SDAD1: variants seen among roughly 807,000 people sequenced by gnomAD.
SDAD1 encodes protein SDA1 homolog.
A neutral mutation model predicts 100.3 loss-of-function variants in SDAD1; 79 were observed. The ratio of observed to expected loss-of-function variants is 0.79; its 90% CI spans 0.66 to 0.95. SDAD1 has a LOEUF of 0.95. Among genes scored for constraint, SDAD1 ranks in the 40% least tolerant of loss-of-function variants. The pLI is 0.00. For missense variants in SDAD1, 790 were observed against 810.9 expected (o/e 0.97, Z 0.31); for synonymous variants, 267 against 271.4 (o/e 0.98, Z 0.16).
rs1161649784 is a variant in SDAD1, at chr4:75,955,973, A to G, written c.2016+2T>C. 6.3e-7 allele frequency: 1 copy of G among 1,593,648 alleles called. No homozygotes were observed. Among genetic ancestry groups the G allele is most frequent in the Admixed American group, 1.8e-5 (1 of 54,948 alleles). On this transcript the variant is annotated splice_donor_variant, in intron 21 of 21. Transcript: ENST00000356260. LOFTEE classifies it high-confidence loss of function. Reference sequence around the variant, plus strand: ...GCCACCCAAGCTTCAAGTGGAACTCACCTGTTTTTCTCGGAAGGAACGCTT... The same window carrying G: ...GCCACCCAAGCTTCAAGTGGAACTCGCCTGTTTTTCTCGGAAGGAACGCTT...
intron 1 of SDAD1, among the ~76,000 whole-genome samples, chr4:75,986,617 T>C (rs1418671521): frequency 6.6e-6 from 1 of 152,166 alleles, no homozygotes; most frequent in Non-Finnish European, 1.5e-5. Flanking sequence ...TCAAGGTCTT[T>C]GCTTCACTAG....
At chr4:75,987,636 G>C (rs1353063994) in intron 1 of SDAD1, among the ~76,000 whole-genome samples, 1 of 152,032 alleles carries the variant, frequency 6.6e-6, no homozygotes, top group African/African-American at 2.4e-5. Flanking sequence ...GGAGTAGCTG[G>C]GATCACAGGT....
intron 14 of SDAD1, among the ~76,000 whole-genome samples, chr4:75,963,474 T>G (rs1186812979): frequency 2.6e-5 from 4 of 152,194 alleles, no homozygotes; most frequent in Non-Finnish European, 5.9e-5. Context: ...ATAAATTACC[T>G]TGGGCAGTAT....
At chr4:75,960,406 A>C (rs1729164593) in intron 16 of SDAD1, among the ~76,000 whole-genome samples, 1 of 152,120 alleles carries the variant, frequency 6.6e-6, no homozygotes, top group Admixed American at 6.5e-5. Flanking sequence ...CCTCCCTAGT[A>C]GTTGGGACTA....
chr4:75,952,891 A>T (rs1037571363), intron 21 of SDAD1, among the ~76,000 whole-genome samples: 14 of 152,224 alleles, frequency 9.2e-5, no homozygotes, highest in African/African-American at 3.1e-4. Flanking sequence ...ACTATTTTAG[A>T]TATACTGGGT....
chr4:75,967,217 A>G, intron 12 of SDAD1, 60 bp downstream of exon 12: 1 of 1,483,642 alleles, frequency 6.7e-7, no homozygotes, highest in East Asian at 2.3e-5. Context: ...AGAACAAAAG[A>G]CTTTGCATGT....
intron 17 of SDAD1, among the ~76,000 whole-genome samples, chr4:75,959,598 A>G (rs561485913): frequency 6.6e-6 from 1 of 151,594 alleles, no homozygotes; most frequent in East Asian, 2.0e-4. Context: ...CGAGACTCCA[A>G]CGTGAGGAAA....
chr4:75,961,831 C>A (rs1365403689), intron 14 of SDAD1, among the ~76,000 whole-genome samples: 2 of 150,104 alleles, frequency 1.3e-5, no homozygotes, highest in South Asian at 4.2e-4. Context: ...TTTGAATGTT[C>A]CCTCTAAAAC....
chr4:75,955,661 G>C (rs1055416959), intron 21 of SDAD1, among the ~76,000 whole-genome samples: 1 of 152,180 alleles, frequency 6.6e-6, no homozygotes, highest in Non-Finnish European at 1.5e-5. Flanking sequence ...ATTTTAGCAT[G>C]GGAAGGAACC....
At chr4:75,954,425 C>T (rs1028836225) in intron 21 of SDAD1, among the ~76,000 whole-genome samples, 13 of 151,528 alleles carry the variant, frequency 8.6e-5, no homozygotes, top group African/African-American at 1.5e-4. Context: ...ATAATCCTAG[C>T]GCTATGGGAG....
intron 1 of SDAD1, among the ~76,000 whole-genome samples, chr4:75,990,451 T>C (rs976788093): frequency 2.0e-5 from 3 of 152,318 alleles, no homozygotes; most frequent in South Asian, 4.1e-4. Context: ...GTGCGGCCCA[T>C]TTCTCTCTCC....
At chr4:75,984,701 C>T (rs1730764114) in intron 1 of SDAD1, among the ~76,000 whole-genome samples, 1 of 151,748 alleles carries the variant, frequency 6.6e-6, no homozygotes, top group South Asian at 2.1e-4. Flanking sequence ...TCCACAGTTC[C>T]ATGCCTTACA....
Position 75,971,477 on chromosome 4 carries a change from T to G in SDAD1, c.712-19A>C. ...CATCATCCTAAAGAAGAAATTACTT[T>G]GTAAAATTGTAAACAAGGAAAATCT... is the stretch of plus-strand genomic sequence containing the variant. On this transcript the variant is annotated intron_variant, in intron 8 of 21. Coordinates refer to ENST00000356260, the MANE Select transcript of SDAD1 (RefSeq NM_018115.4). 2 of 1,550,626 alleles carry G rather than the reference T, an allele frequency of 1.3e-6. No homozygotes were observed. The highest frequency in any genetic ancestry group is 2.3e-5 in the South Asian group (2 of 88,820).
At chr4:75,967,887 G>C (rs1271018190) in intron 11 of SDAD1, among the ~76,000 whole-genome samples, 1 of 145,224 alleles carries the variant, frequency 6.9e-6, no homozygotes, top group Admixed American at 7.0e-5. Context: ...TTAACACTCT[G>C]AAGTCCACCT....
chr4:75,989,913 TTG>T (rs1731139654), intron 1 of SDAD1, among the ~76,000 whole-genome samples: 1 of 152,186 alleles, frequency 6.6e-6, no homozygotes. Flanking sequence ...AAATAAGTAA[TTG>T]TGTTAGCCAC....
chr4:75,974,774 GCTC>G (rs1730065549), intron 6 of SDAD1, among the ~76,000 whole-genome samples: 1 of 151,718 alleles, frequency 6.6e-6, no homozygotes. Context: ...GGGCGCAGTG[GCTC>G]ACGCCTGTAA....
intron 20 of SDAD1, among the ~76,000 whole-genome samples, chr4:75,956,458 G>C (rs1426856946): frequency 1.3e-5 from 2 of 151,044 alleles, no homozygotes; most frequent in Non-Finnish European, 2.9e-5. Context: ...GAAAGGAGGG[G>C]AAAGACAGAG....
chr4:75,951,947 A>G (rs1230718451), intron 21 of SDAD1, among the ~76,000 whole-genome samples: 1 of 152,186 alleles, frequency 6.6e-6, no homozygotes, highest in African/African-American at 2.4e-5. Context: ...TACACCTAAA[A>G]CAGTTTCGGG....
intron 1 of SDAD1, among the ~76,000 whole-genome samples, chr4:75,983,040 G>A (rs931246771): frequency 1.2e-4 from 18 of 151,960 alleles, no homozygotes; most frequent in Admixed American, 9.8e-4. Flanking sequence ...GAGAACATGC[G>A]GTGTTTGGTT....
Sources: allele counts gnomAD v4.1 joint callset (sites outside exome capture counted in the v4.1 genomes callset), GRCh38; gene constraint gnomAD v4.1.1; transcripts MANE v1.5; gene names NCBI Gene and HGNC (gene_info 2026-07-23, HGNC 2026-07-21).